POLR2F: variants seen among roughly 807,000 people sequenced by gnomAD.
POLR2F encodes the protein DNA-directed RNA polymerases I, II, and III subunit RPABC2.
In POLR2F, 12 loss-of-function variants were observed where a neutral mutation model predicts 22.7. That is an observed-to-expected ratio of 0.53 (90% CI 0.34 to 0.86). The LOEUF is 0.86. POLR2F is among the 40% of genes least tolerant of loss of function. The pLI is 0.02. For missense variants in POLR2F, 126 were observed against 171.5 expected, an observed-to-expected ratio of 0.73 and a Z score of 1.48; for synonymous variants, 57 against 66.0, an observed-to-expected ratio of 0.86 and a Z score of 0.66.
chr22:37,980,560 T>G lies in POLR2F; in HGVS notation c.293+13390T>G, dbSNP rs1569170116. On this transcript the variant is annotated intron_variant, in intron 4 of 4. Transcript: ENST00000405557. The surrounding 1 kb of genome is among the most constrained non-coding windows in gnomAD (Gnocchi z 4.1). ...TCCTCCACCAGCTGTGCCGGACAGC[T>G]GATTCCACCTCCACCCCAACCCCAA... Among the ~76,000 whole-genome samples the G allele has an allele frequency of 1.3e-5, 2 of 152,040 alleles. No homozygotes were observed. The highest frequency in any genetic ancestry group is 2.4e-5 in the African/African-American group (1 of 41,394).
intron 3 of POLR2F, among the ~76,000 whole-genome samples, chr22:37,962,048 T>G (rs923289900): frequency 6.6e-5 from 10 of 152,042 alleles, no homozygotes; most frequent in African/African-American, 2.4e-4. Context: ...CTGGGCAACA[T>G]GGTGAAACCC....
intron 1 of POLR2F, among the ~76,000 whole-genome samples, chr22:38,006,949 C>T (rs117973081): frequency 1.3e-5 from 2 of 152,192 alleles, no homozygotes; most frequent in Middle Eastern, 3.2e-3. Context: ...GTGCACCCTG[C>T]ATCTGTCTTC....
intron 2 of POLR2F, chr22:37,958,361 T>G (rs1931488972): frequency 6.6e-6 from 1 of 151,770 alleles, no homozygotes; most frequent in South Asian, 2.1e-4. Context: ...GCTAATTTTT[T>G]TTTTTTTTGT....
intron 3 of POLR2F, among the ~76,000 whole-genome samples, chr22:37,961,024 T>C (rs1346977694): frequency 2.0e-5 from 3 of 151,224 alleles, no homozygotes; most frequent in Non-Finnish European, 4.4e-5. Context: ...AATTTTTTTG[T>C]ATTTTTAGTG....
chr22:37,966,308 G>A (rs1230219912), intron 3 of POLR2F, among the ~76,000 whole-genome samples: 1 of 152,070 alleles, frequency 6.6e-6, no homozygotes, highest in Non-Finnish European at 1.5e-5. Flanking sequence ...AAGTAGCACG[G>A]GACTGTGCTA....
chr22:38,027,613 C>T (rs905019676), downstream of POLR2F, among the ~76,000 whole-genome samples: 2 of 152,170 alleles, frequency 1.3e-5, no homozygotes, highest in African/African-American at 4.8e-5. Flanking sequence ...TCCATCAGAG[C>T]TTGGCCCCCA....
At chr22:38,035,446 CAG>C (rs1601920483) in intron 5 of POLR2F, among the ~76,000 whole-genome samples, 3 of 152,228 alleles carry the variant, frequency 2.0e-5, no homozygotes, top group Non-Finnish European at 4.4e-5. Context: ...AAGTGGGAAT[CAG>C]GGGTCGCTCT....
In POLR2F at chr22:38,010,618, T is replaced by G. The variant is rs1009741536; in HGVS notation, c.121-15251T>G. 8.8e-5 allele frequency among the ~76,000 whole-genome samples: 12 copies of G among 136,800 alleles called. No individual in the cohort carries two copies. The South Asian group carries it at 2.6e-3, about 29-fold the overall frequency. 89.7% of individuals were successfully genotyped at this position (136,800 alleles called of 152,430 possible). On this transcript the variant is annotated intron_variant, in intron 1 of 2. Transcript: ENST00000333418. ...ATTCCTTGTGTTTTTTTTTTTTTTT[T>G]TTTTTTTTTTTGCTTTGAGAGGGAG...
rs1932306480 is a variant in POLR2F at position 37,978,861 on chromosome 22, C to T, written c.293+11691C>T. On this transcript the variant is annotated intron_variant, in intron 4 of 4. Transcript: ENST00000405557. This position sits in a 1 kb window ranked among gnomAD's most constrained non-coding sequence, Gnocchi z 5.0. ...GTATGATCTCAGCTCACTGCAACCT[C>T]TGCCTCCCAGGTTCAAGTGATTCTT... 6.6e-6 allele frequency among the ~76,000 whole-genome samples: 1 copy of T among 152,164 alleles called. No homozygotes were observed. The highest frequency in any genetic ancestry group is 2.4e-5 in the African/African-American group (1 of 41,434).
Position 38,016,218 on chromosome 22 carries a change from G to T in POLR2F, c.121-9651G>T, listed in dbSNP as rs1292258900. Among the ~76,000 whole-genome samples the T allele has an allele frequency of 6.6e-6, 1 of 152,194 alleles. No individual in the cohort carries two copies. The highest frequency in any genetic ancestry group is 2.4e-5 in the African/African-American group (1 of 41,448). On this transcript the variant is annotated intron_variant, in intron 1 of 2. Transcript: ENST00000333418. This position sits in a 1 kb window ranked among gnomAD's most constrained non-coding sequence, Gnocchi z 4.4. ...GAAAGGCACAGCTGGGCCAAAGCCT[G>T]GGGTCATCATCATGTAGACCCAAAG...
At chr22:38,029,719 A>G (rs1262302834), downstream of POLR2F, among the ~76,000 whole-genome samples, 1 of 152,128 alleles carries the variant, frequency 6.6e-6, no homozygotes, top group Middle Eastern at 3.2e-3. Context: ...CATCTGGGAG[A>G]CTGCAAGCAA....
At chr22:37,996,813 A>G (rs73417812) in intron 1 of POLR2F, among the ~76,000 whole-genome samples, 3,781 of 152,302 alleles carry the variant, frequency 0.025, 156 homozygotes, top group African/African-American at 0.086. Context: ...GGGGAGTTTT[A>G]AAAGACTAAT....
Position 37,981,000 on chromosome 22 carries a change from A to G in POLR2F, c.293+13830A>G, listed in dbSNP as rs550117879. On this transcript the variant is annotated intron_variant, in intron 4 of 4. Coordinates refer to the POLR2F transcript ENST00000405557. The surrounding 1 kb of genome is among the most constrained non-coding windows in gnomAD (Gnocchi z 4.1). ...TTTCCAGGCAGATCAGCCAACCCAC[A>G]GGCACCACCCTGTGATCAGCCTCAA... Among the ~76,000 whole-genome samples the G allele has an allele frequency of 6.6e-6, 1 of 152,248 alleles. No individual in the cohort carries two copies. The highest frequency in any genetic ancestry group is 2.1e-4 in the South Asian group (1 of 4,820).
At chr22:37,992,713 A>G (rs563120561) in intron 1 of POLR2F, among the ~76,000 whole-genome samples, 3 of 152,078 alleles carry the variant, frequency 2.0e-5, no homozygotes, top group Admixed American at 1.3e-4. Flanking sequence ...GCTAATTTTT[A>G]TATTAGTTAT....
intron 1 of POLR2F, among the ~76,000 whole-genome samples, chr22:38,025,202 A>G (rs770531436): frequency 1.3e-5 from 2 of 152,082 alleles, no homozygotes; most frequent in Non-Finnish European, 2.9e-5. Flanking sequence ...ATGTTCCCAA[A>G]TATGGTCCCT....
chr22:38,025,434 GCA>G, intron 1 of POLR2F: 1 of 1,200,436 alleles, frequency 8.3e-7, no homozygotes, highest in Non-Finnish European at 1.1e-6. Flanking sequence ...ATACACATGT[GCA>G]CACACTGATT....
chr22:37,996,975 C>A (rs1186136068), intron 1 of POLR2F, among the ~76,000 whole-genome samples: 1 of 152,114 alleles, frequency 6.6e-6, no homozygotes, highest in Non-Finnish European at 1.5e-5. Context: ...TAGGGCAGGC[C>A]ACCCCACTCC....
At chr22:38,026,583 G>A (rs999254457) in exon 3 of POLR2F, 21 of 301,662 alleles carry the variant, frequency 7.0e-5, no homozygotes, top group Non-Finnish European at 1.1e-4. Context: ...CCCCAAAGCC[G>A]CCCCCTCCCC....
Position 38,024,661 on chromosome 22 carries a change from G to C in POLR2F, c.121-1208G>C, listed in dbSNP as rs556168126. On this transcript the variant is annotated intron_variant, in intron 1 of 2. Coordinates refer to the POLR2F transcript ENST00000333418. ...CCCAGGCAGACCAGGTCTGGGAGGTGGGGGTGCAATCCATGCAGGTGCGGA... is the reference window on the plus strand; with the variant it reads ...CCCAGGCAGACCAGGTCTGGGAGGTCGGGGTGCAATCCATGCAGGTGCGGA... 1.4e-4 allele frequency among the ~76,000 whole-genome samples: 21 copies of C among 152,238 alleles called. No homozygotes were observed. The East Asian group carries it at 3.3e-3, about 24-fold the overall frequency.
Sources: allele counts gnomAD v4.1 joint callset (sites outside exome capture counted in the v4.1 genomes callset), GRCh38; gene constraint gnomAD v4.1.1; non-coding constraint Gnocchi (gnomAD v3.1); transcripts MANE v1.5; gene names NCBI Gene and HGNC (gene_info 2026-07-23, HGNC 2026-07-21).